GTF2E2: variants seen among roughly 807,000 people sequenced by gnomAD.
The protein encoded by GTF2E2 is transcription initiation factor IIE subunit beta.
In GTF2E2, 21 loss-of-function variants were observed where a neutral mutation model predicts 40.5. The ratio of observed to expected loss-of-function variants is 0.52; its 90% confidence interval spans 0.37 to 0.75. The LOEUF (loss-of-function observed/expected upper bound fraction) is 0.75. Among genes scored for constraint, GTF2E2 ranks in the 30% least tolerant of loss-of-function variants. The pLI is 0.00. For synonymous variants in GTF2E2, 117 were observed against 121.6 expected, an observed-to-expected ratio of 0.96 and a Z score of 0.25; for missense variants, 298 against 338.4, an observed-to-expected ratio of 0.88 and a Z score of 0.94.
intron 2 of GTF2E2, chr8:30,645,354 G>A: frequency 1.3e-6 from 2 of 1,535,694 alleles, no homozygotes; most frequent in South Asian, 1.2e-5. Context: ...CTGTTTATCA[G>A]TACCTTGGTT....
chr8:30,627,878 T>A (rs1801333566), intron 3 of GTF2E2, among the ~76,000 whole-genome samples: 1 of 152,100 alleles, frequency 6.6e-6, no homozygotes. Context: ...AGATGAAGAG[T>A]GACTGCAGGA....
intron 2 of GTF2E2, among the ~76,000 whole-genome samples, chr8:30,648,646 C>G (rs150348025): frequency 1.3e-5 from 2 of 152,350 alleles, no homozygotes; most frequent in Non-Finnish European, 2.9e-5. Context: ...CAGGCCACAG[C>G]ACTTAACTGC....
In GTF2E2 at chr8:30,621,985, T is replaced by A. The variant is rs934227613; in HGVS notation, c.259-7270A>T. 5.9e-5 allele frequency among the ~76,000 whole-genome samples: 9 copies of A among 151,620 alleles called. No individual in the cohort carries two copies. The East Asian group carries it at 1.7e-3, about 29-fold the overall frequency. On this transcript the variant is annotated intron_variant, in intron 3 of 7. Transcript: ENST00000355904. ...GTTCTTATATATATATATATTTTTTTATTATACTTTAAAGTTCTAGGGTAC... is the reference window on the plus strand; with the variant it reads ...GTTCTTATATATATATATATTTTTTAATTATACTTTAAAGTTCTAGGGTAC...
chr8:30,628,949 T>A (rs868174659), intron 3 of GTF2E2, among the ~76,000 whole-genome samples: 52 of 150,128 alleles, frequency 3.5e-4, no homozygotes, highest in Middle Eastern at 3.4e-3. Context: ...AAAAAAAAAA[T>A]TTTACCAGCA....
At chr8:30,615,985 C>A (rs539213648) in intron 3 of GTF2E2, among the ~76,000 whole-genome samples, 1 of 152,006 alleles carries the variant, frequency 6.6e-6, no homozygotes, top group South Asian at 2.1e-4. Flanking sequence ...GGAATACTAT[C>A]CAGTGCTAAA....
intron 2 of GTF2E2, among the ~76,000 whole-genome samples, chr8:30,635,646 G>A (rs1429243436): frequency 6.6e-6 from 1 of 152,072 alleles, no homozygotes; most frequent in African/African-American, 2.4e-5. Context: ...GCCTCCCAAA[G>A]TGCTGGGGTT....
At chr8:30,640,744 G>A (rs1004197928) in intron 2 of GTF2E2, among the ~76,000 whole-genome samples, 2 of 152,036 alleles carry the variant, frequency 1.3e-5, no homozygotes, top group African/African-American at 4.8e-5. Flanking sequence ...TCACTCTATC[G>A]CCCAGGCTAG....
chr8:30,579,818 TAG>T (rs901823300), intron 7 of GTF2E2, among the ~76,000 whole-genome samples: 2 of 152,208 alleles, frequency 1.3e-5, no homozygotes, highest in Non-Finnish European at 2.9e-5. Context: ...GAGCAGGATT[TAG>T]AGACTATACG....
chr8:30,611,430 A>T (rs746122523), intron 5 of GTF2E2, among the ~76,000 whole-genome samples: 1 of 152,232 alleles, frequency 6.6e-6, no homozygotes, highest in Non-Finnish European at 1.5e-5. Flanking sequence ...AATCATACTT[A>T]AGGGTGTAAC....
chr8:30,614,832 T>C, intron 3 of GTF2E2, 117 bp from the exon 4 acceptor site: 1 of 623,236 alleles, frequency 1.6e-6, no homozygotes. Context: ...CCAGGTAGCA[T>C]AATTATAGTG....
At chr8:30,649,431 C>A (rs1015743709) in intron 2 of GTF2E2, among the ~76,000 whole-genome samples, 18 of 151,234 alleles carry the variant, frequency 1.2e-4, no homozygotes, top group East Asian at 1.9e-4. Flanking sequence ...AAACAAAAAC[C>A]AAAACAGAAA....
intron 3 of GTF2E2, among the ~76,000 whole-genome samples, chr8:30,617,437 A>T (rs1025133825): frequency 6.6e-5 from 10 of 152,162 alleles, no homozygotes; most frequent in African/African-American, 2.2e-4. Flanking sequence ...GAAGCTAAAC[A>T]TACAAGCTAC....
intron 3 of GTF2E2, among the ~76,000 whole-genome samples, chr8:30,633,693 CAG>C (rs1244434389): frequency 8.5e-5 from 13 of 152,224 alleles, no homozygotes; most frequent in African/African-American, 3.1e-4. Flanking sequence ...TGTCCCTCAA[CAG>C]AGTGACAGCC....
At chr8:30,586,012 G>A (rs1563472686) in intron 6 of GTF2E2, among the ~76,000 whole-genome samples, 2 of 152,116 alleles carry the variant, frequency 1.3e-5, no homozygotes, top group Admixed American at 1.3e-4. Flanking sequence ...AACCCAGTTT[G>A]ACGTTGTGAG....
At chr8:30,649,097 G>C (rs1302423441) in intron 2 of GTF2E2, among the ~76,000 whole-genome samples, 1 of 151,946 alleles carries the variant, frequency 6.6e-6, no homozygotes, top group African/African-American at 2.4e-5. Context: ...TTACATTTTT[G>C]TTTATGATGA....
At chr8:30,622,374 T>C (rs1280358074) in intron 3 of GTF2E2, among the ~76,000 whole-genome samples, 3 of 151,800 alleles carry the variant, frequency 2.0e-5, no homozygotes, top group Admixed American at 6.6e-5. Context: ...CTAGGGACTT[T>C]CAAAAGGGGA....
chr8:30,607,838 C>G (rs1171042180), intron 5 of GTF2E2, among the ~76,000 whole-genome samples: 2 of 152,090 alleles, frequency 1.3e-5, no homozygotes, highest in Admixed American at 1.3e-4. Context: ...CATTACCCAT[C>G]AATTATTTCC....
chr8:30,596,091 T>A (rs931514102), intron 6 of GTF2E2, among the ~76,000 whole-genome samples: 2 of 152,212 alleles, frequency 1.3e-5, no homozygotes, highest in Non-Finnish European at 2.9e-5. Flanking sequence ...ATTCTGCAAT[T>A]TGAATATGAT....
chr8:30,616,090 T>C (rs144164789), intron 3 of GTF2E2, among the ~76,000 whole-genome samples: 1 of 152,282 alleles, frequency 6.6e-6, no homozygotes, highest in African/African-American at 2.4e-5. Flanking sequence ...ATACATACTG[T>C]ATGGCTCCAA....
Sources: gnomAD v4.1 joint callset for allele counts (sites outside exome capture counted in the v4.1 genomes callset) on GRCh38, gnomAD v4.1.1 for gene constraint, MANE v1.5 for transcripts, NCBI Gene and HGNC (gene_info 2026-07-23, HGNC 2026-07-21) for gene names.